ARID1B: variants seen among roughly 807,000 people sequenced by gnomAD.
The protein encoded by ARID1B is AT-rich interaction domain 1B, also known as AT-rich interactive domain-containing protein 1B.
Under a neutral mutation model 212.3 loss-of-function variants are expected in ARID1B, and 30 were observed. The observed-to-expected ratio is 0.14, with a 90% CI of 0.11 to 0.19. The LOEUF is 0.19. Ranked by LOEUF, ARID1B falls within the 10% of genes least tolerant of loss-of-function variation. The pLI, the probability that ARID1B is intolerant of heterozygous loss-of-function variation, is 1.00. For missense variants in ARID1B, 2,891 were observed against 3,204.0 expected, an observed-to-expected ratio of 0.90 and a Z score of 2.36; for synonymous variants, 1,402 against 1,301.7, an observed-to-expected ratio of 1.08 and a Z score of -1.66.
chr6:156,843,857 C>A lies in ARID1B; in HGVS notation c.1986+14436C>A, dbSNP rs889612146. Reference sequence around the variant, plus strand: ...TCAAAGTACATCATGGGAGCAGACACGTACCAGGTACTTGGATGCAGTGTG... The same window carrying A: ...TCAAAGTACATCATGGGAGCAGACAAGTACCAGGTACTTGGATGCAGTGTG... On this transcript the variant is annotated intron_variant, in intron 2 of 19. Transcript: ENST00000636930. Among the ~76,000 whole-genome samples, 3 of 152,094 alleles carry A rather than the reference C, an allele frequency of 2.0e-5. 1 individual carries two copies. The East Asian group carries it at 5.8e-4, about 29-fold the overall frequency.
At chr6:156,941,054 C>A (rs1282039938) in intron 4 of ARID1B, 1 of 152,136 alleles carries the variant, frequency 6.6e-6, no homozygotes, top group Non-Finnish European at 1.5e-5. Flanking sequence ...CTTCTCAAAT[C>A]CTTATGAACA....
At chr6:157,187,171 C>T (rs143168966) in intron 13 of ARID1B, among the ~76,000 whole-genome samples, 6,066 of 152,046 alleles carry the variant, frequency 0.04, 378 homozygotes, top group African/African-American at 0.14. Context: ...TTCCAATGAG[C>T]GCTGTAGGAA....
In ARID1B at chr6:156,917,215, G is replaced by A. The variant is rs146661549; in HGVS notation, c.2136+15690G>A. 6.3e-3 allele frequency among the ~76,000 whole-genome samples: 955 copies of A among 152,138 alleles called. 14 individuals carry two copies. The highest frequency in any genetic ancestry group is 0.022 in the African/African-American group (905 of 41,502). ...ATAATTTCAAACTTGGCTTTTATAC[G>A]TATAGTTTCTCTTCAAGTTGATATA... On this transcript the variant is annotated intron_variant, in intron 3 of 19. Transcript: ENST00000636930.
chr6:156,891,053 A>G (rs990848693), intron 2 of ARID1B, among the ~76,000 whole-genome samples: 2 of 152,180 alleles, frequency 1.3e-5, no homozygotes, highest in Non-Finnish European at 2.9e-5. Flanking sequence ...TAAGATCTTG[A>G]CCTTGTAAAC....
Position 156,778,661 on chromosome 6 carries a change from C to G in ARID1B, c.981C>G (p.Pro327=). 4.0e-6 allele frequency: 6 copies of G among 1,487,544 alleles called. No homozygotes were observed. Among genetic ancestry groups the G allele is most frequent in the Non-Finnish European group, 5.4e-6 (6 of 1,116,942 alleles). 92.1% of individuals were successfully genotyped at this position (1,487,544 alleles called of 1,614,324 possible). A position where few individuals can be genotyped will look rare whatever the true frequency, so the allele number is the denominator to read the frequency against. The change falls in exon 1 of 20, where the codon CCC becomes CCG. Residue 327 remains proline (P), a synonymous_variant. Coordinates refer to ENST00000636930, the MANE Select transcript of ARID1B (RefSeq NM_001374828.1). ...GCGCTGCCCCTGCGAGCGGCGGCCC[C>G]GGCGGCCGCGCTGGGCCTTGCTTTG... ...YGSAAPASGG[P]GGRAGPCFDQ... is the part of the protein sequence containing the mutation.
chr6:157,131,188 T>A (rs939434306), intron 6 of ARID1B, among the ~76,000 whole-genome samples: 2 of 152,208 alleles, frequency 1.3e-5, no homozygotes, highest in African/African-American at 2.4e-5. Flanking sequence ...TTCATTTTTT[T>A]AAAAAGCAAT....
chr6:156,906,587 T>C (rs1789408353), intron 3 of ARID1B, among the ~76,000 whole-genome samples: 1 of 137,008 alleles, frequency 7.3e-6, no homozygotes, highest in African/African-American at 2.7e-5. Context: ...CACCAGCCAC[T>C]TAGAAAAAGA....
chr6:156,994,358 A>G (rs1778455830), intron 4 of ARID1B, among the ~76,000 whole-genome samples: 1 of 151,522 alleles, frequency 6.6e-6, no homozygotes, highest in South Asian at 2.1e-4. Context: ...AATGGGTTTT[A>G]AAGCTTCCAG....
chr6:156,800,106 G>A (rs1780673009), intron 1 of ARID1B, among the ~76,000 whole-genome samples: 2 of 152,166 alleles, frequency 1.3e-5, no homozygotes, highest in Non-Finnish European at 2.9e-5. Flanking sequence ...TGTGAAAGGG[G>A]ATCTTTGTAC....
chr6:157,043,918 C>T (rs1185828013), intron 4 of ARID1B, among the ~76,000 whole-genome samples: 1 of 152,202 alleles, frequency 6.6e-6, no homozygotes, highest in East Asian at 1.9e-4. Context: ...ATTCATATCA[C>T]TCTACTTCTT....
At chr6:156,856,694 TCTCTCTCA>T (rs1299044030) in intron 2 of ARID1B, among the ~76,000 whole-genome samples, 20 of 83,386 alleles carry the variant, frequency 2.4e-4, no homozygotes, top group Admixed American at 1.6e-3. Context: ...TCTCTCTCTC[TCTCTCTCA>T]CACACACACA....
intron 4 of ARID1B, among the ~76,000 whole-genome samples, chr6:157,083,636 T>G (rs1455325912): frequency 6.6e-6 from 1 of 152,208 alleles, no homozygotes; most frequent in South Asian, 2.1e-4. Context: ...CATTGTTTTG[T>G]ATCTGTATCA....
chr6:157,132,671 G>C (rs1431887024), intron 6 of ARID1B, among the ~76,000 whole-genome samples: 1 of 152,188 alleles, frequency 6.6e-6, no homozygotes, highest in East Asian at 1.9e-4. Context: ...CAGCCTTTCA[G>C]GGGCAGAGGG....
intron 4 of ARID1B, among the ~76,000 whole-genome samples, chr6:156,959,257 C>T (rs758163051): frequency 3.3e-5 from 5 of 152,166 alleles, no homozygotes; most frequent in Admixed American, 6.5e-5. Flanking sequence ...GTACCAAAAT[C>T]GTAGATGCTC....
chr6:156,828,475 C>T (rs147968508), intron 1 of ARID1B, among the ~76,000 whole-genome samples: 3 of 152,298 alleles, frequency 2.0e-5, no homozygotes, highest in Admixed American at 6.5e-5. Flanking sequence ...TTGCTTTGTT[C>T]CTTTGACGTC....
At chr6:157,089,228 C>T (rs544999162) in intron 5 of ARID1B, among the ~76,000 whole-genome samples, 1 of 152,244 alleles carries the variant, frequency 6.6e-6, no homozygotes, top group African/African-American at 2.4e-5. Context: ...CCATCTCTAC[C>T]CTGGTAAATG....
chr6:156,884,261 C>A (rs1008268822), intron 2 of ARID1B, among the ~76,000 whole-genome samples: 1 of 151,790 alleles, frequency 6.6e-6, no homozygotes, highest in African/African-American at 2.4e-5. Context: ...AATTAACTTT[C>A]AGTATTTTTT....
chr6:157,061,697 A>G (rs1783352815), intron 4 of ARID1B, among the ~76,000 whole-genome samples: 1 of 152,218 alleles, frequency 6.6e-6, no homozygotes, highest in Non-Finnish European at 1.5e-5. Flanking sequence ...CTGAAATTTA[A>G]CTGAGTTCCC....
chr6:156,989,855 T>A (rs1425082355), intron 4 of ARID1B, among the ~76,000 whole-genome samples: 2 of 151,954 alleles, frequency 1.3e-5, no homozygotes, highest in Non-Finnish European at 2.9e-5. Flanking sequence ...GTGATGGGAG[T>A]CTTCTGTATT....
Sources: allele counts gnomAD v4.1 joint callset (sites outside exome capture counted in the v4.1 genomes callset), GRCh38; gene constraint gnomAD v4.1.1; transcripts MANE v1.5; gene names NCBI Gene and HGNC (gene_info 2026-07-23, HGNC 2026-07-21).